Variants in RP1 observed in about 807,000 individuals in gnomAD.
The protein encoded by RP1 is RP1 axonemal microtubule associated, also known as oxygen-regulated protein 1.
In RP1, 16 loss-of-function variants were observed where a neutral mutation model predicts 14.8. The ratio of observed to expected loss-of-function variants is 1.08; its 90% CI spans 0.73 to 1.65. The LOEUF (loss-of-function observed/expected upper bound fraction) is 1.65. Ranked by LOEUF, RP1 falls within the 40% of genes most tolerant of loss-of-function variation. The pLI is 0.00. For synonymous variants in RP1, 876 were observed against 883.6 expected, an observed-to-expected ratio of 0.99 and a Z score of 0.15; for missense variants, 2,631 against 2,535.0, an observed-to-expected ratio of 1.04 and a Z score of -0.81.
rs1015862924 is a variant in RP1 at position 54,694,776 on chromosome 8, G to A, written c.1718-4691G>A. Reference sequence around the variant, plus strand: ...TGATCTTTTCAAAAAACCACCTCCTGGATTCATTAATTTTTTATAGGGTTT... The same window carrying A: ...TGATCTTTTCAAAAAACCACCTCCTAGATTCATTAATTTTTTATAGGGTTT... On this transcript the variant is annotated intron_variant, in intron 12 of 22. Transcript: ENST00000636932. Among the ~76,000 whole-genome samples the A allele has an allele frequency of 6.6e-5, 10 of 151,962 alleles. No individual in the cohort carries two copies. The South Asian group carries it at 1.9e-3, about 28-fold the overall frequency.
At chr8:54,696,522 G>A (rs750034473) in intron 12 of RP1, 8 of 817,226 alleles carry the variant, frequency 9.8e-6, no homozygotes, top group Non-Finnish European at 1.6e-5. Context: ...AAGGAGCAGA[G>A]GAAAGGAAAA....
intron 24 of RP1, among the ~76,000 whole-genome samples, chr8:54,819,188 T>C (rs951763740): frequency 6.6e-6 from 1 of 151,970 alleles, no homozygotes; most frequent in African/African-American, 2.4e-5. Flanking sequence ...TATTTTCATA[T>C]AGCCTGCCTT....
At chr8:54,719,691 G>A (rs1011549355) in intron 15 of RP1, among the ~76,000 whole-genome samples, 3 of 152,090 alleles carry the variant, frequency 2.0e-5, no homozygotes, top group Non-Finnish European at 2.9e-5. Context: ...ATTCAATCTG[G>A]AAAATGCAGA....
Position 54,624,710 on chromosome 8 carries a change from TTC to T in RP1, c.830_831del (p.Ser277CysfsTer4), listed in dbSNP as rs1585561400. On this transcript the variant is annotated frameshift_variant, in exon 4 of 4. Coordinates refer to ENST00000220676, the MANE Select transcript of RP1 (RefSeq NM_006269.2). LOFTEE classifies it low-confidence loss of function (END_TRUNC). ...CTTCAAGCTCAAGGTCCCAGATTTA[TTC>T]TGTTTCTTCTGAGAAAACACATAAT... is the stretch of plus-strand genomic sequence containing the variant. Reference protein sequence around the residue: ...MSSSSRSQIYSVSSEKTHNND... With the variant: ...MSSSSRSQIYXVSSEKTHNND... 5 of 1,613,882 alleles carry T rather than the reference TTC, an allele frequency of 3.1e-6. No individual in the cohort carries two copies. The South Asian group carries it at 5.5e-5, about 18-fold the overall frequency.
At chr8:54,863,793 C>T (rs1452018417) in intron 27 of RP1, among the ~76,000 whole-genome samples, 3 of 152,198 alleles carry the variant, frequency 2.0e-5, no homozygotes, top group African/African-American at 7.2e-5. Context: ...TAAGTACAAA[C>T]TTTGCTGCCA....
chr8:54,806,368 C>T (rs942005995), intron 24 of RP1, among the ~76,000 whole-genome samples: 2 of 151,990 alleles, frequency 1.3e-5, no homozygotes, highest in African/African-American at 4.8e-5. Flanking sequence ...TAGCGATGGA[C>T]ATCCTTTCAG....
chr8:54,565,099 G>T (rs1804372989), intron 1 of RP1, among the ~76,000 whole-genome samples: 1 of 152,166 alleles, frequency 6.6e-6, no homozygotes. Flanking sequence ...GGTGTGAACA[G>T]ACAGGAGTGT....
chr8:54,725,370 T>A (rs1808629814), intron 16 of RP1, among the ~76,000 whole-genome samples: 1 of 152,206 alleles, frequency 6.6e-6, no homozygotes, highest in African/African-American at 2.4e-5. Context: ...GGAAAAACTA[T>A]GTTTTAAAAG....
At chr8:54,566,516 T>C (rs901958193) in intron 1 of RP1, among the ~76,000 whole-genome samples, 3 of 152,050 alleles carry the variant, frequency 2.0e-5, no homozygotes, top group Admixed American at 2.0e-4. Context: ...CCCATTTCCT[T>C]CTCCCCCAGG....
intron 22 of RP1, among the ~76,000 whole-genome samples, chr8:54,766,187 T>C (rs1477547744): frequency 6.6e-6 from 1 of 152,190 alleles, no homozygotes; most frequent in Non-Finnish European, 1.5e-5. Context: ...TCAGCCTGTC[T>C]ACAAATGGTT....
chr8:54,673,190 T>TC (rs1807215819), intron 7 of RP1, among the ~76,000 whole-genome samples: 2 of 152,224 alleles, frequency 1.3e-5, no homozygotes, highest in South Asian at 4.1e-4. Flanking sequence ...GATTTTTTTT[T>TC]CACTTAGCGA....
Position 54,701,558 on chromosome 8 carries a change from CTGGTTCCTGG to C in RP1, c.1896_1905del (p.Val633ThrfsTer11). On this transcript the variant is annotated frameshift_variant, in exon 14 of 23. Coordinates refer to the RP1 transcript ENST00000636932. LOFTEE classifies it high-confidence loss of function. The stretch of plus-strand genomic sequence containing the variant: ...CCGCTGTGCACTTCTTGAGTCGGCA[CTGGTTCCTGG>C]TCACACAGTTGTTTTTGATCGTCAT... The C allele has an allele frequency of 6.5e-7, 1 of 1,535,732 alleles. No homozygotes were observed. Among genetic ancestry groups the C allele is most frequent in the Non-Finnish European group, 8.7e-7 (1 of 1,146,686 alleles).
rs555701765 is a variant in RP1, at chr8:54,687,201, C to T, written c.1717+7268C>T. 3.0e-4 allele frequency among the ~76,000 whole-genome samples: 45 copies of T among 152,220 alleles called. 1 individual carries two copies. Among genetic ancestry groups the T allele is most frequent in the African/African-American group, 8.9e-4 (37 of 41,566 alleles). On this transcript the variant is annotated intron_variant, in intron 12 of 22. Transcript: ENST00000636932. ...GAAAAACAGGAAGCCTGCAACAGAA[C>T]GTTTTGTATAGGTGAATGAAGATTA... is the stretch of plus-strand genomic sequence containing the variant.
intron 1 of RP1, among the ~76,000 whole-genome samples, chr8:54,582,624 C>T (rs1281235256): frequency 2.0e-5 from 3 of 152,254 alleles, no homozygotes; most frequent in African/African-American, 4.8e-5. Flanking sequence ...ATTGATTCTT[C>T]CTACCCATGA....
intron 26 of RP1, among the ~76,000 whole-genome samples, chr8:54,855,614 A>C (rs1360416239): frequency 1.3e-5 from 2 of 152,242 alleles, no homozygotes; most frequent in African/African-American, 2.4e-5. Context: ...ACTTGTTTGC[A>C]GACTGTGTAT....
intron 24 of RP1, among the ~76,000 whole-genome samples, chr8:54,806,074 A>G (rs1416959475): frequency 6.6e-6 from 1 of 152,022 alleles, no homozygotes; most frequent in East Asian, 1.9e-4. Context: ...GCTGGAGTGC[A>G]GTGGTGCAAT....
chr8:54,611,702 C>T (rs1457083647), upstream of RP1, among the ~76,000 whole-genome samples: 1 of 152,092 alleles, frequency 6.6e-6, no homozygotes, highest in Non-Finnish European at 1.5e-5. Flanking sequence ...TCCTCAGGGA[C>T]ATTTTCTGTT....
intron 1 of RP1, among the ~76,000 whole-genome samples, chr8:54,596,211 C>T (rs940292643): frequency 5.9e-5 from 9 of 152,124 alleles, no homozygotes; most frequent in Non-Finnish European, 8.8e-5. Context: ...ACATTTAGAT[C>T]GGTTTCATCT....
At chr8:54,722,655 AG>A (rs925119014) in intron 16 of RP1, among the ~76,000 whole-genome samples, 3 of 152,184 alleles carry the variant, frequency 2.0e-5, no homozygotes, top group Admixed American at 6.5e-5. Context: ...GAGATAGAGC[AG>A]CCCCCGAAAA....
Sources: allele counts gnomAD v4.1 joint callset (sites outside exome capture counted in the v4.1 genomes callset), GRCh38; gene constraint gnomAD v4.1.1; transcripts MANE v1.5; gene names NCBI Gene and HGNC (gene_info 2026-07-23, HGNC 2026-07-21).